ZDHHC2: variants seen among roughly 807,000 people sequenced by gnomAD.
The protein encoded by ZDHHC2 is palmitoyltransferase ZDHHC2.
Under a neutral mutation model 55.6 loss-of-function variants are expected in ZDHHC2, and 51 were observed. The observed-to-expected ratio is 0.92, with a 90% CI of 0.73 to 1.16. ZDHHC2 has a LOEUF of 1.16. Among genes scored for constraint, ZDHHC2 ranks in the 50% most tolerant of loss-of-function variants. ZDHHC2 has a pLI of 0.00. For synonymous variants in ZDHHC2, 199 were observed against 152.9 expected, an observed-to-expected ratio of 1.30 and a Z score of -2.22; for missense variants, 491 against 442.4, an observed-to-expected ratio of 1.11 and a Z score of -0.99.
chr8:17,167,752 G>A lies in ZDHHC2; in HGVS notation c.130+10899G>A, dbSNP rs115580842. Reference sequence around the variant, plus strand: ...AAAGATAAATTATATGTGTAATAGAGTAAGTAATATCCTCATATATCTATA... The same window carrying A: ...AAAGATAAATTATATGTGTAATAGAATAAGTAATATCCTCATATATCTATA... On this transcript the variant is annotated intron_variant, in intron 1 of 12. Coordinates refer to ENST00000262096, the MANE Select transcript of ZDHHC2 (RefSeq NM_016353.5). 7.2e-3 allele frequency among the ~76,000 whole-genome samples: 1,095 copies of A among 152,156 alleles called. 12 individuals are homozygous for A. The highest frequency in any genetic ancestry group is 0.026 in the African/African-American group (1,065 of 41,494).
chr8:17,194,911 A>G (rs1314397003), intron 3 of ZDHHC2, among the ~76,000 whole-genome samples: 2 of 152,150 alleles, frequency 1.3e-5, no homozygotes, highest in Non-Finnish European at 2.9e-5. Context: ...TGTGTGGAAG[A>G]TATGTATTTA....
intron 7 of ZDHHC2, among the ~76,000 whole-genome samples, chr8:17,207,573 CTATT>C (rs758134345): frequency 5.3e-4 from 80 of 152,060 alleles, no homozygotes; most frequent in Non-Finnish European, 1.1e-3. Context: ...TATAATGAAA[CTATT>C]TAAACGTTTG....
intron 1 of ZDHHC2, among the ~76,000 whole-genome samples, chr8:17,169,228 A>C (rs1804741281): frequency 7.5e-6 from 1 of 133,500 alleles, no homozygotes; most frequent in South Asian, 2.6e-4. Flanking sequence ...GTGTCACTGC[A>C]GCAATTTTTT....
At chr8:17,195,014 A>G (rs989980211) in intron 3 of ZDHHC2, among the ~76,000 whole-genome samples, 2 of 152,226 alleles carry the variant, frequency 1.3e-5, no homozygotes, top group Admixed American at 6.5e-5. Flanking sequence ...AGTAAAATAA[A>G]TAATTAGACC....
At chr8:17,157,802 T>G (rs1034917645) in intron 1 of ZDHHC2, among the ~76,000 whole-genome samples, 7 of 152,210 alleles carry the variant, frequency 4.6e-5, no homozygotes, top group African/African-American at 1.4e-4. Flanking sequence ...ACAAAGTGTC[T>G]GTTTTTGCCC....
intron 5 of ZDHHC2, 118 bp downstream of exon 5, chr8:17,197,769 A>G (rs1563159859): frequency 3.5e-6 from 4 of 1,129,224 alleles, no homozygotes; most frequent in Non-Finnish European, 5.1e-6. Context: ...TCAGCCCTTG[A>G]TTTAGGAAAT....
intron 1 of ZDHHC2, among the ~76,000 whole-genome samples, chr8:17,157,081 C>T (rs1348292809): frequency 6.6e-6 from 1 of 152,064 alleles, no homozygotes. Context: ...CGCCTCCGCC[C>T]CGCACTCGCC....
chr8:17,169,066 A>G (rs1024523857), intron 1 of ZDHHC2, among the ~76,000 whole-genome samples: 17 of 152,238 alleles, frequency 1.1e-4, no homozygotes, highest in African/African-American at 3.4e-4. Context: ...GGTCAGTCAT[A>G]TGGTAATTCT....
At chr8:17,171,781 T>A (rs2150889328) in intron 1 of ZDHHC2, among the ~76,000 whole-genome samples, 1 of 151,506 alleles carries the variant, frequency 6.6e-6, no homozygotes, top group African/African-American at 2.4e-5. Context: ...GAAGGACAGA[T>A]ACTGCCTTCT....
intron 1 of ZDHHC2, among the ~76,000 whole-genome samples, chr8:17,165,803 GA>G (rs1220223894): frequency 1.3e-5 from 2 of 152,194 alleles, no homozygotes; most frequent in Admixed American, 6.5e-5. Flanking sequence ...AGTAGCCAGA[GA>G]AGGAGAAGAA....
At chr8:17,157,071 C>T (rs1269202311) in intron 1 of ZDHHC2, among the ~76,000 whole-genome samples, 1 of 152,042 alleles carries the variant, frequency 6.6e-6, no homozygotes, top group African/African-American at 2.4e-5. Context: ...GTTAAGGTGG[C>T]GCCTCCGCCC....
Position 17,156,640 on chromosome 8 carries a change from C to A in ZDHHC2, c.-84C>A. The A allele has an allele frequency of 1.2e-5, 13 of 1,084,248 alleles. No individual in the cohort carries two copies. The highest frequency in any genetic ancestry group is 1.5e-5 in the Non-Finnish European group (13 of 890,292). 67.2% of individuals were successfully genotyped at this position (1,084,248 alleles called of 1,614,324 possible). On this transcript the variant is annotated 5_prime_UTR_variant, in exon 1 of 13. Coordinates refer to ENST00000262096, the MANE Select transcript of ZDHHC2 (RefSeq NM_016353.5). ...CGCCGCCGCCCAGGAGCCCGTCCAGCCAGGGGTGCCGGGCCCGCCCAGCCC... is the reference window on the plus strand; with the variant it reads ...CGCCGCCGCCCAGGAGCCCGTCCAGACAGGGGTGCCGGGCCCGCCCAGCCC...
chr8:17,190,573 T>C (rs1805965289), intron 3 of ZDHHC2, among the ~76,000 whole-genome samples: 2 of 152,314 alleles, frequency 1.3e-5, no homozygotes, highest in Middle Eastern at 3.4e-3. Context: ...TAGTTTTTCA[T>C]TGGTAAGATT....
intron 2 of ZDHHC2, 65 bp downstream of exon 2, chr8:17,184,880 A>T: frequency 7.2e-7 from 1 of 1,384,710 alleles, no homozygotes; most frequent in Non-Finnish European, 9.8e-7. Flanking sequence ...GTATTCACTT[A>T]GATTTGGTTG....
intron 8 of ZDHHC2, among the ~76,000 whole-genome samples, chr8:17,209,113 A>G (rs1422314097): frequency 6.6e-6 from 1 of 152,150 alleles, no homozygotes; most frequent in East Asian, 1.9e-4. Context: ...TTTTTGAAGG[A>G]ATGTTGATGA....
intron 1 of ZDHHC2, among the ~76,000 whole-genome samples, chr8:17,166,006 A>G (rs1296906379): frequency 1.3e-5 from 2 of 152,224 alleles, no homozygotes; most frequent in Non-Finnish European, 2.9e-5. Context: ...GAAGTAGGTG[A>G]CAGGTCAGAG....
rs77352702 is a variant in ZDHHC2, at chr8:17,160,933, T to C, written c.130+4080T>C. ...CTGAGCTTTGGAGTATGTGGGAAGC[T>C]AGACCACTAGAATCTTGAGGTTTTA... is the stretch of plus-strand genomic sequence containing the variant. On this transcript the variant is annotated intron_variant, in intron 1 of 12. Transcript: ENST00000262096. Among the ~76,000 whole-genome samples, 88 of 152,354 alleles carry C rather than the reference T, an allele frequency of 5.8e-4. 1 individual carries two copies. The East Asian group carries it at 0.012, about 21-fold the overall frequency.
chr8:17,159,373 G>A (rs149155158), intron 1 of ZDHHC2, among the ~76,000 whole-genome samples: 18 of 152,276 alleles, frequency 1.2e-4, no homozygotes, highest in African/African-American at 3.9e-4. Flanking sequence ...ACTGGATCAG[G>A]TAGCAAATGG....
chr8:17,190,530 G>T (rs533714015), intron 3 of ZDHHC2, among the ~76,000 whole-genome samples: 2 of 152,062 alleles, frequency 1.3e-5, no homozygotes, highest in Non-Finnish European at 2.9e-5. Flanking sequence ...ATTAAAATTT[G>T]CCCTTTTCAT....
Sources: allele counts gnomAD v4.1 joint callset (sites outside exome capture counted in the v4.1 genomes callset), GRCh38; gene constraint gnomAD v4.1.1; transcripts MANE v1.5; gene names NCBI Gene and HGNC (gene_info 2026-07-23, HGNC 2026-07-21).